The following SBF2 variants were observed in gnomAD, a reference collection of about 807,000 sequenced individuals.
The protein encoded by SBF2 is SET binding factor 2.
In SBF2, 112 loss-of-function variants were observed where a neutral mutation model predicts 225.2. That is an observed-to-expected ratio of 0.50 (90% CI 0.43 to 0.58). The LOEUF (loss-of-function observed/expected upper bound fraction) is 0.58. SBF2 is among the 20% of genes least tolerant of loss of function. The pLI, the probability that SBF2 is intolerant of heterozygous loss-of-function variation, is 0.00. For missense variants in SBF2, 1,996 were observed against 2,206.2 expected, an observed-to-expected ratio of 0.90 and a Z score of 1.91; for synonymous variants, 763 against 773.3, an observed-to-expected ratio of 0.99 and a Z score of 0.22.
intron 36 of SBF2, 45 bp downstream of exon 36, chr11:9,787,589 C>A (rs1201835483): frequency 6.5e-7 from 1 of 1,540,014 alleles, no homozygotes; most frequent in Admixed American, 1.7e-5. Context: ...ACTTAGCACC[C>A]TCAGAAAGCT....
chr11:10,244,615 C>T (rs1442493018), intron 1 of SBF2, among the ~76,000 whole-genome samples: 5 of 152,036 alleles, frequency 3.3e-5, no homozygotes, highest in South Asian at 2.1e-4. Context: ...TGGTACCATA[C>T]GAATTTTAGG....
At position 10,031,108 on chromosome 11, in the gene SBF2, T is replaced by A; in HGVS notation, c.342A>T (p.Glu114Asp). ...AKVSGLIQPAEVFAPKSLVLV... is the reference protein window; with the variant it reads ...AKVSGLIQPADVFAPKSLVLV... Reference sequence around the variant, plus strand: ...ACACCAGGCTTTTGGGAGCAAACACTTCTGCAGGCTGAATTAAACCAGACA... The same window carrying A: ...ACACCAGGCTTTTGGGAGCAAACACATCTGCAGGCTGAATTAAACCAGACA... The change falls in exon 4 of 40, where the codon GAA becomes GAT. Residue 114 changes from glutamate to aspartate, a missense_variant. Glu to Asp is a conservative substitution (Grantham distance 45, BLOSUM62 2). Transcript: ENST00000256190. 2 of 1,613,610 alleles carry A rather than the reference T, an allele frequency of 1.2e-6. No individual in the cohort carries two copies. The highest frequency in any genetic ancestry group is 1.7e-6 in the Non-Finnish European group (2 of 1,179,672).
chr11:9,939,486 C>T (rs544342263), intron 16 of SBF2, among the ~76,000 whole-genome samples: 1 of 152,308 alleles, frequency 6.6e-6, no homozygotes, highest in East Asian at 1.9e-4. Context: ...TTGACTGATT[C>T]CTGCATCCAT....
At chr11:9,974,989 G>C (rs77818864) in intron 13 of SBF2, among the ~76,000 whole-genome samples, 2 of 68,384 alleles carry the variant, frequency 2.9e-5, no homozygotes, top group Non-Finnish European at 5.9e-5. Context: ...AAAAAAAAAA[G>C]AAAAAAAGAA....
At chr11:10,035,871 G>A (rs1235613604) in intron 3 of SBF2, among the ~76,000 whole-genome samples, 1 of 152,134 alleles carries the variant, frequency 6.6e-6, no homozygotes, top group Non-Finnish European at 1.5e-5. Context: ...TGAGGATCTA[G>A]AACTAGAAAT....
chr11:10,243,594 A>C (rs1959455733), intron 1 of SBF2, among the ~76,000 whole-genome samples: 1 of 151,996 alleles, frequency 6.6e-6, no homozygotes, highest in Non-Finnish European at 1.5e-5. Flanking sequence ...ACAAAAGAAG[A>C]CTCAAAATCA....
At chr11:10,273,071 GA>G (rs60141937) in intron 1 of SBF2, among the ~76,000 whole-genome samples, 3 of 147,976 alleles carry the variant, frequency 2.0e-5, no homozygotes, top group East Asian at 2.0e-4. Context: ...CTCCGTCTCC[GA>G]AAAAAAAAAT....
intron 2 of SBF2, among the ~76,000 whole-genome samples, chr11:10,184,419 A>G (rs1244852397): frequency 6.6e-6 from 1 of 152,208 alleles, no homozygotes; most frequent in East Asian, 1.9e-4. Flanking sequence ...ATTTCAGTAC[A>G]TAAAGCTTTA....
intron 2 of SBF2, among the ~76,000 whole-genome samples, chr11:10,062,389 C>T (rs759113222): frequency 6.6e-6 from 1 of 152,086 alleles, no homozygotes; most frequent in South Asian, 2.1e-4. Flanking sequence ...AAACTATCAA[C>T]AGAGTAAAGA....
At chr11:10,034,938 C>A (rs1212708166) in intron 3 of SBF2, among the ~76,000 whole-genome samples, 1 of 152,084 alleles carries the variant, frequency 6.6e-6, no homozygotes, top group Non-Finnish European at 1.5e-5. Context: ...TTTGCCCTTT[C>A]ATTGGTCTGG....
chr11:10,089,217 C>T lies in SBF2; in HGVS notation c.142-46236G>A, dbSNP rs117176187. Among the ~76,000 whole-genome samples the T allele has an allele frequency of 3.6e-3, 541 of 152,270 alleles. 12 individuals carry two copies. In the East Asian group the frequency reaches 0.062, roughly 17 times the overall value. The stretch of plus-strand genomic sequence containing the variant: ...CTTTAAACCCCTCCCACCTTTAAGT[C>T]TCCAATGTCTATGAGTCCACACTGT... On this transcript the variant is annotated intron_variant, in intron 2 of 39. Coordinates refer to ENST00000256190, the MANE Select transcript of SBF2 (RefSeq NM_030962.4).
intron 1 of SBF2, among the ~76,000 whole-genome samples, chr11:10,276,637 C>T (rs1452644308): frequency 6.6e-6 from 1 of 152,180 alleles, no homozygotes; most frequent in East Asian, 1.9e-4. Context: ...TAATTCCATT[C>T]ATGATCAGTA....
At chr11:10,241,261 G>A (rs1199880845) in intron 1 of SBF2, among the ~76,000 whole-genome samples, 1 of 152,170 alleles carries the variant, frequency 6.6e-6, no homozygotes, top group Non-Finnish European at 1.5e-5. Flanking sequence ...GCTGAGGCAG[G>A]AGAATCACTT....
chr11:10,259,272 G>A (rs1367884544), intron 1 of SBF2, among the ~76,000 whole-genome samples: 1 of 152,144 alleles, frequency 6.6e-6, no homozygotes, highest in Non-Finnish European at 1.5e-5. Context: ...AAAATTTGGG[G>A]AAAGTTAACT....
intron 2 of SBF2, among the ~76,000 whole-genome samples, chr11:10,067,758 A>C (rs544147069): frequency 6.6e-6 from 1 of 152,080 alleles, no homozygotes; most frequent in Non-Finnish European, 1.5e-5. Flanking sequence ...CAAAAAACAA[A>C]AACTTAGCTG....
intron 6 of SBF2, among the ~76,000 whole-genome samples, chr11:10,010,740 T>G (rs531989081): frequency 1.1e-4 from 16 of 152,202 alleles, no homozygotes; most frequent in Non-Finnish European, 2.1e-4. Flanking sequence ...TGGTTTCATT[T>G]GAAATTTAAA....
intron 32 of SBF2, among the ~76,000 whole-genome samples, chr11:9,797,277 A>T (rs1308853624): frequency 6.6e-6 from 1 of 152,234 alleles, no homozygotes; most frequent in Non-Finnish European, 1.5e-5. Flanking sequence ...TGATTTATCA[A>T]AATTTATCAT....
chr11:10,255,289 T>TCC (rs1960773970), intron 1 of SBF2, among the ~76,000 whole-genome samples: 1 of 152,220 alleles, frequency 6.6e-6, no homozygotes, highest in Non-Finnish European at 1.5e-5. Flanking sequence ...TTCAGCTAGA[T>TCC]TAGCTATTTC....
At chr11:9,878,101 A>C (rs962770552) in intron 17 of SBF2, among the ~76,000 whole-genome samples, 7 of 152,302 alleles carry the variant, frequency 4.6e-5, no homozygotes, top group African/African-American at 1.7e-4. Flanking sequence ...AACTGGCATG[A>C]GATGGTATCT....
Sources: allele counts gnomAD v4.1 joint callset (sites outside exome capture counted in the v4.1 genomes callset), GRCh38; gene constraint gnomAD v4.1.1; transcripts MANE v1.5; gene names NCBI Gene and HGNC (gene_info 2026-07-23, HGNC 2026-07-21).